SLC4A4: variants seen among roughly 807,000 people sequenced by gnomAD.
SLC4A4 encodes the protein electrogenic sodium bicarbonate cotransporter 1.
A neutral mutation model predicts 111.5 loss-of-function variants in SLC4A4; 27 were observed. The ratio of observed to expected loss-of-function variants is 0.24; its 90% confidence interval spans 0.18 to 0.33. The LOEUF (loss-of-function observed/expected upper bound fraction) is 0.33. Ranked by LOEUF, SLC4A4 falls within the 10% of genes least tolerant of loss-of-function variation. The pLI, the probability that SLC4A4 is intolerant of heterozygous loss-of-function variation, is 1.00. For missense variants in SLC4A4, 909 were observed against 1,315.5 expected, an observed-to-expected ratio of 0.69 and a Z score of 4.78; for synonymous variants, 443 against 463.4, an observed-to-expected ratio of 0.96 and a Z score of 0.57.
intron 2 of SLC4A4, among the ~76,000 whole-genome samples, chr4:71,148,109 G>C (rs1319661219): frequency 6.6e-6 from 1 of 152,136 alleles, no homozygotes; most frequent in African/African-American, 2.4e-5. Flanking sequence ...AAAGATCACC[G>C]ACCCCACTAC....
intron 2 of SLC4A4, among the ~76,000 whole-genome samples, chr4:71,120,114 A>G (rs1256687009): frequency 1.3e-5 from 2 of 151,862 alleles, no homozygotes; most frequent in South Asian, 2.1e-4. Context: ...TGTGGTTTCT[A>G]CTGTTTCCCT....
chr4:71,541,416 G>A (rs1280688597), intron 18 of SLC4A4, among the ~76,000 whole-genome samples: 1 of 152,098 alleles, frequency 6.6e-6, no homozygotes, highest in Non-Finnish European at 1.5e-5. Flanking sequence ...TGAAAGGAGA[G>A]AATGGCTTTA....
intron 2 of SLC4A4, among the ~76,000 whole-genome samples, chr4:71,095,316 A>G (rs1443571611): frequency 1.3e-5 from 2 of 152,226 alleles, no homozygotes; most frequent in Non-Finnish European, 2.9e-5. Context: ...TAAAGGACAG[A>G]TGGCCCTGCA....
intron 6 of SLC4A4, among the ~76,000 whole-genome samples, chr4:71,375,620 G>A (rs1258878702): frequency 6.6e-6 from 1 of 152,106 alleles, no homozygotes; most frequent in Non-Finnish European, 1.5e-5. Flanking sequence ...GCACTATAAT[G>A]TATGAGTACA....
At chr4:71,139,894 A>C (rs528229572) in intron 2 of SLC4A4, among the ~76,000 whole-genome samples, 1 of 151,530 alleles carries the variant, frequency 6.6e-6, no homozygotes. Flanking sequence ...TATGCAATAC[A>C]TTGTTGTTAA....
chr4:71,143,715 A>T (rs1299423690), intron 2 of SLC4A4, among the ~76,000 whole-genome samples: 4 of 150,896 alleles, frequency 2.7e-5, no homozygotes, highest in African/African-American at 9.7e-5. Flanking sequence ...ATAGCATTTT[A>T]CTGTGTCTTT....
chr4:71,568,022 C>A lies in SLC4A4; in HGVS notation c.*271C>A, dbSNP rs1488592021. The A allele has an allele frequency of 3.1e-6, 2 of 638,758 alleles. No individual in the cohort carries two copies. Among genetic ancestry groups the A allele is most frequent in the South Asian group, 3.7e-5 (2 of 54,532 alleles). 39.6% of individuals were successfully genotyped at this position (638,758 alleles called of 1,614,324 possible). On this transcript the variant is annotated 3_prime_UTR_variant, in exon 26 of 26. Coordinates refer to ENST00000264485, the MANE Select transcript of SLC4A4 (RefSeq NM_001098484.3). ...CAGGCCAAATAATACAGCGCTCTCT[C>A]TGCTTCTCTCTTGCATAGACACAAT...
intron 1 of SLC4A4, among the ~76,000 whole-genome samples, chr4:71,210,001 C>A (rs1718033978): frequency 6.6e-6 from 1 of 152,162 alleles, no homozygotes; most frequent in Non-Finnish European, 1.5e-5. Context: ...AACGCTGTGA[C>A]CATGTTTATC....
chr4:71,439,944 G>C (rs986546103), intron 7 of SLC4A4, among the ~76,000 whole-genome samples: 4 of 151,694 alleles, frequency 2.6e-5, no homozygotes, highest in Non-Finnish European at 5.9e-5. Context: ...TCTCTCCTTT[G>C]TTCCTTCAGC....
chr4:71,146,758 C>A (rs539418068), intron 2 of SLC4A4, among the ~76,000 whole-genome samples: 5 of 152,258 alleles, frequency 3.3e-5, no homozygotes, highest in Admixed American at 6.5e-5. Flanking sequence ...TGGAAAGGAA[C>A]AACTGGTACC....
Position 71,570,768 on chromosome 4 carries a change from G to A in SLC4A4, c.*3017G>A, listed in dbSNP as rs1054286128. ...AGAGCAAAAATGCCTCTGGTTTTGTGTTTGGGAGAAAAGTATCTTGGACGC... is the reference window on the plus strand; with the variant it reads ...AGAGCAAAAATGCCTCTGGTTTTGTATTTGGGAGAAAAGTATCTTGGACGC... On this transcript the variant is annotated 3_prime_UTR_variant, in exon 26 of 26. Transcript: ENST00000264485. The A allele has an allele frequency of 2.0e-5, 3 of 151,894 alleles. No individual in the cohort carries two copies. The highest frequency in any genetic ancestry group is 7.2e-5 in the African/African-American group (3 of 41,398). The allele number at this position is 151,894 out of a possible 1,614,324, so 9.4% of individuals were successfully genotyped here.
intron 22 of SLC4A4, 93 bp downstream of exon 22, chr4:71,557,978 G>T: frequency 1.7e-6 from 2 of 1,178,368 alleles, no homozygotes; most frequent in Non-Finnish European, 2.5e-6. Context: ...TTTATGTGTT[G>T]TTCCAAATTT....
At chr4:71,145,247 G>C (rs147405650) in intron 2 of SLC4A4, among the ~76,000 whole-genome samples, 2,623 of 152,162 alleles carry the variant, frequency 0.017, 84 homozygotes, top group African/African-American at 0.06. Flanking sequence ...GCTGGATTAC[G>C]TTTATTGATT....
intron 8 of SLC4A4, among the ~76,000 whole-genome samples, chr4:71,442,220 T>C (rs2149061151): frequency 6.6e-6 from 1 of 152,346 alleles, no homozygotes; most frequent in South Asian, 2.1e-4. Context: ...GAGCAAATCA[T>C]GACCATTTTT....
At chr4:71,142,580 T>A (rs1367770130) in intron 2 of SLC4A4, among the ~76,000 whole-genome samples, 1 of 152,134 alleles carries the variant, frequency 6.6e-6, no homozygotes, top group Non-Finnish European at 1.5e-5. Context: ...GTTATCAATG[T>A]CAGGTATCCA....
At chr4:71,168,336 T>C (rs1578545187) in intron 2 of SLC4A4, among the ~76,000 whole-genome samples, 2 of 151,944 alleles carry the variant, frequency 1.3e-5, no homozygotes, top group East Asian at 1.9e-4. Flanking sequence ...CCCACGCCAC[T>C]GTGCCTGGCT....
chr4:71,472,583 G>A (rs990267313), intron 13 of SLC4A4, 116 bp from the exon 14 acceptor site: 46 of 1,020,862 alleles, frequency 4.5e-5, no homozygotes, highest in Non-Finnish European at 6.2e-5. Context: ...TTCACATTTA[G>A]TGGCTAAAGG....
At chr4:71,107,945 T>C (rs1742989581) in intron 2 of SLC4A4, among the ~76,000 whole-genome samples, 1 of 152,136 alleles carries the variant, frequency 6.6e-6, no homozygotes. Flanking sequence ...ATATACTATA[T>C]AGCTATTTCC....
intron 16 of SLC4A4, among the ~76,000 whole-genome samples, chr4:71,501,984 T>A (rs1730977685): frequency 6.7e-6 from 1 of 148,506 alleles, no homozygotes. Context: ...ATTTTTGAGA[T>A]GGAGTCTTGC....
Sources: gnomAD v4.1 joint callset for allele counts (sites outside exome capture counted in the v4.1 genomes callset) on GRCh38, gnomAD v4.1.1 for gene constraint, MANE v1.5 for transcripts, NCBI Gene and HGNC (gene_info 2026-07-23, HGNC 2026-07-21) for gene names.